C12orf60: variants seen among roughly 807,000 people sequenced by gnomAD.
The protein encoded by C12orf60 is chromosome 12 open reading frame 60.
For missense variants in C12orf60, 284 were observed against 283.2 expected (o/e 1.00, Z -0.02); for synonymous variants, 102 against 94.6 (o/e 1.08, Z -0.45).
At chr12:14,810,512 T>C (rs1163483975) in intron 1 of C12orf60, among the ~76,000 whole-genome samples, 1 of 152,208 alleles carries the variant, frequency 6.6e-6, no homozygotes, top group Non-Finnish European at 1.5e-5. Flanking sequence ...TCCTTGCTTT[T>C]TTGGAATTTC....
At chr12:14,813,234 A>G (rs2137269798) in intron 1 of C12orf60, among the ~76,000 whole-genome samples, 3 of 152,324 alleles carry the variant, frequency 2.0e-5, no homozygotes, top group African/African-American at 7.2e-5. Context: ...TTTAGTCGTT[A>G]GTGCTCTCTG....
At position 14,822,918 on chromosome 12, in the gene C12orf60, A is replaced by G. The variant is rs984095197; in HGVS notation, c.-18A>G. ...TTACTGCTTTGCTTTGCAGTGTTGG[A>G]ACTTATTTGTTGGAGAAATGTCTTC... On this transcript the variant is annotated 5_prime_UTR_variant, in exon 2 of 2. Coordinates refer to ENST00000330828, the MANE Select transcript of C12orf60 (RefSeq NM_175874.4). 6.5e-7 allele frequency: 1 copy of G among 1,546,598 alleles called. No individual in the cohort carries two copies. Among genetic ancestry groups the G allele is most frequent in the Non-Finnish European group, 8.7e-7 (1 of 1,147,658 alleles).
At chr12:14,817,056 A>G (rs1950232051) in intron 1 of C12orf60, among the ~76,000 whole-genome samples, 1 of 152,168 alleles carries the variant, frequency 6.6e-6, no homozygotes, top group Non-Finnish European at 1.5e-5. Flanking sequence ...CTAAGAATAT[A>G]TGAGCCACCA....
chr12:14,823,850 A>C lies in C12orf60; in HGVS notation c.*177A>C. 2.1e-6 allele frequency: 1 copy of C among 484,822 alleles called. No individual in the cohort carries two copies. Among genetic ancestry groups the C allele is most frequent in the Non-Finnish European group, 3.5e-6 (1 of 285,110 alleles). The allele number at this position is 484,822 out of a possible 1,614,324, so 30.0% of individuals were successfully genotyped here. On this transcript the variant is annotated 3_prime_UTR_variant, in exon 2 of 2. Transcript: ENST00000330828. ...TGCTTTATTAAAATAAAAAGAAATA[A>C]TTAAGAAAGCCTGTTTGAAATGTCA...
At chr12:14,818,257 A>G (rs1247989587) in intron 1 of C12orf60, among the ~76,000 whole-genome samples, 1 of 152,142 alleles carries the variant, frequency 6.6e-6, no homozygotes, top group African/African-American at 2.4e-5. Context: ...AATTTCTTTC[A>G]TTCTGTAAGT....
chr12:14,810,428 G>A (rs1238328801), intron 1 of C12orf60, among the ~76,000 whole-genome samples: 1 of 152,148 alleles, frequency 6.6e-6, no homozygotes, highest in Non-Finnish European at 1.5e-5. Flanking sequence ...TCATCTAATA[G>A]GTTAGTACTT....
chr12:14,812,808 A>G (rs1371179683), intron 1 of C12orf60, among the ~76,000 whole-genome samples: 1 of 151,980 alleles, frequency 6.6e-6, no homozygotes, highest in Non-Finnish European at 1.5e-5. Flanking sequence ...TTGTTCCCTG[A>G]CTATACTGTG....
At chr12:14,816,631 A>G (rs1485252503) in intron 1 of C12orf60, among the ~76,000 whole-genome samples, 2 of 152,230 alleles carry the variant, frequency 1.3e-5, no homozygotes, top group African/African-American at 4.8e-5. Flanking sequence ...GCCTCTTGCA[A>G]AATTGCTTTT....
intron 1 of C12orf60, among the ~76,000 whole-genome samples, chr12:14,811,725 C>T (rs80143534): frequency 0.098 from 14,921 of 152,168 alleles, 965 homozygotes; most frequent in Admixed American, 0.22. Context: ...AAAGGAACTA[C>T]CTTACAAAAT....
At position 14,823,627 on chromosome 12, in the gene C12orf60, C is replaced by T; in HGVS notation, c.692C>T (p.Thr231Ile). 2.5e-6 allele frequency: 4 copies of T among 1,595,608 alleles called. No homozygotes were observed. The highest frequency in any genetic ancestry group is 2.6e-6 in the Non-Finnish European group (3 of 1,174,038). Residue 231 changes from threonine to isoleucine, a missense_variant, in exon 2 of 2, where the codon ACT (threonine) becomes ATT (isoleucine). Coordinates refer to ENST00000330828, the MANE Select transcript of C12orf60 (RefSeq NM_175874.4). ...GAGATCCTCCAAAAAGCGATAAAGA[C>T]TATGGAAATGAATATTTCTGTGTTT... Reference protein sequence around the residue: ...ILEILQKAIKTMEMNISVFKK... With the variant: ...ILEILQKAIKIMEMNISVFKK...
At chr12:14,816,467 A>G (rs1348950934) in intron 1 of C12orf60, among the ~76,000 whole-genome samples, 3 of 152,036 alleles carry the variant, frequency 2.0e-5, no homozygotes, top group Non-Finnish European at 4.4e-5. Flanking sequence ...AATCAAGCAA[A>G]CCTAAAAATA....
In C12orf60 at chr12:14,823,258, A is replaced by G; in HGVS notation, c.323A>G (p.His108Arg). The G allele has an allele frequency of 6.2e-7, 1 of 1,614,162 alleles. No homozygotes were observed. Among genetic ancestry groups the G allele is most frequent in the Non-Finnish European group, 8.5e-7 (1 of 1,180,012 alleles). ...AAGAGTACCAATGTAGAGGAGTTGC[A>G]TCAGTCAGCTAAAGAAGTATTCAAA... Reference protein sequence around the residue: ...VQKSTNVEELHQSAKEVFKSA... With the variant: ...VQKSTNVEELRQSAKEVFKSA... Residue 108 changes from histidine to arginine, a missense_variant, in exon 2 of 2, where the codon CAT (histidine) becomes CGT (arginine). By Grantham distance (29) the His-to-Arg change is conservative. Coordinates refer to ENST00000330828, the MANE Select transcript of C12orf60 (RefSeq NM_175874.4).
intron 1 of C12orf60, among the ~76,000 whole-genome samples, chr12:14,813,489 TA>T (rs1170187775): frequency 1.3e-5 from 2 of 152,218 alleles, no homozygotes; most frequent in African/African-American, 4.8e-5. Context: ...TAAATTCATT[TA>T]AAAAATGTTT....
At position 14,808,925 on chromosome 12, in the gene C12orf60, G is replaced by A. The variant is rs558741355; in HGVS notation, c.-25+5174G>A. Among the ~76,000 whole-genome samples, 15 of 152,274 alleles carry A rather than the reference G, an allele frequency of 9.9e-5. No individual in the cohort carries two copies. The South Asian group carries it at 1.7e-3, about 17-fold the overall frequency. On this transcript the variant is annotated intron_variant, in intron 1 of 1. Coordinates refer to ENST00000330828, the MANE Select transcript of C12orf60 (RefSeq NM_175874.4). ...TATTCTCTAAACTTACAATGGGTTG[G>A]AAACTGTAATTTGCTAAGCACAGAT... is the stretch of plus-strand genomic sequence containing the variant.
intron 1 of C12orf60, among the ~76,000 whole-genome samples, chr12:14,822,308 A>G (rs1950318369): frequency 6.6e-6 from 1 of 150,690 alleles, no homozygotes; most frequent in African/African-American, 2.5e-5. Flanking sequence ...GAAGCAGGAG[A>G]AGACAAACGA....
chr12:14,812,422 T>G (rs12146743), intron 1 of C12orf60, among the ~76,000 whole-genome samples: 2 of 151,710 alleles, frequency 1.3e-5, no homozygotes, highest in African/African-American at 4.8e-5. Context: ...CCGGCCTGGG[T>G]GACAGAGGGA....
intron 1 of C12orf60, among the ~76,000 whole-genome samples, chr12:14,806,883 G>A (rs746023320): frequency 2.6e-5 from 4 of 152,178 alleles, no homozygotes; most frequent in Admixed American, 6.5e-5. Flanking sequence ...CCAGGCTGGA[G>A]TGCAGTGGTG....
chr12:14,814,557 C>T (rs1374481341), intron 1 of C12orf60, among the ~76,000 whole-genome samples: 1 of 152,148 alleles, frequency 6.6e-6, no homozygotes, highest in South Asian at 2.1e-4. Context: ...GCTTCTGTTG[C>T]ATTTGCACCT....
At chr12:14,814,419 T>G (rs746653185) in intron 1 of C12orf60, among the ~76,000 whole-genome samples, 10 of 152,198 alleles carry the variant, frequency 6.6e-5, no homozygotes, top group Non-Finnish European at 1.0e-4. Context: ...TTTAATGGAC[T>G]TTTTATTGTT....
Sources: gnomAD v4.1 joint callset for allele counts (sites outside exome capture counted in the v4.1 genomes callset) on GRCh38, gnomAD v4.1.1 for gene constraint, MANE v1.5 for transcripts, NCBI Gene and HGNC (gene_info 2026-07-23, HGNC 2026-07-21) for gene names.